The following UGT1A7 variants were observed in gnomAD, a reference collection of about 807,000 sequenced individuals.
The protein encoded by UGT1A7 is UDP-glucuronosyltransferase 1A7.
Under a neutral mutation model 45.6 loss-of-function variants are expected in UGT1A7, and 33 were observed. The ratio of observed to expected loss-of-function variants is 0.72; its 90% CI spans 0.55 to 0.97. UGT1A7 has a LOEUF of 0.97. UGT1A7 is among the 50% of genes least tolerant of loss of function. UGT1A7 has a pLI of 0.00. For missense variants in UGT1A7, 684 were observed against 666.2 expected, an observed-to-expected ratio of 1.03 and a Z score of -0.29; for synonymous variants, 274 against 250.6, an observed-to-expected ratio of 1.09 and a Z score of -0.88.
At chr2:233,688,947 C>A (rs2074920768) in intron 1 of UGT1A7, among the ~76,000 whole-genome samples, 1 of 152,108 alleles carries the variant, frequency 6.6e-6, no homozygotes, top group Non-Finnish European at 1.5e-5. Flanking sequence ...AGCATGAAGC[C>A]AAATGTTTGG....
chr2:233,763,296 GAT>G (rs1373689978), intron 1 of UGT1A7, among the ~76,000 whole-genome samples: 1 of 152,054 alleles, frequency 6.6e-6, no homozygotes, highest in African/African-American at 2.4e-5. Flanking sequence ...CCACTTTTTG[GAT>G]ATTAATATTA....
In UGT1A7 at chr2:233,761,530, G is replaced by A. The variant is rs544153828; in HGVS notation, c.856-5504G>A. Among the ~76,000 whole-genome samples, 10 of 152,346 alleles carry A rather than the reference G, an allele frequency of 6.6e-5. No homozygotes were observed. In the East Asian group the frequency reaches 9.7e-4, roughly 15 times the overall value. ...CAGGCAGGCAATGTTCAGGACTGAT[G>A]AAATCATTCTTTGATGATGATAGAT... On this transcript the variant is annotated intron_variant, in intron 1 of 4. Coordinates refer to ENST00000373426, the MANE Select transcript of UGT1A7 (RefSeq NM_019077.3).
rs764918207 is a variant in UGT1A7 at position 233,760,359 on chromosome 2, G to A, written c.856-6675G>A. 62 of 1,614,004 alleles carry A rather than the reference G, an allele frequency of 3.8e-5. No homozygotes were observed. The South Asian group carries it at 4.0e-4, about 10-fold the overall frequency. ...TGCTGTGTGTGCTGGGCCCAGTGGTGTCCCATGCTGGGAAGATACTGTTGA... is the reference window on the plus strand; with the variant it reads ...TGCTGTGTGTGCTGGGCCCAGTGGTATCCCATGCTGGGAAGATACTGTTGA... On this transcript the variant is annotated intron_variant, in intron 1 of 4. Transcript: ENST00000373426.
intron 1 of UGT1A7, chr2:233,760,741 C>G: frequency 6.2e-7 from 1 of 1,614,110 alleles, no homozygotes; most frequent in South Asian, 1.1e-5. Context: ...GCTGACGGAC[C>G]CTTTCCTTCC....
At chr2:233,702,200 C>T (rs1204351976) in intron 1 of UGT1A7, among the ~76,000 whole-genome samples, 1 of 152,172 alleles carries the variant, frequency 6.6e-6, no homozygotes. Flanking sequence ...CCCTGGCAGC[C>T]ATTAATCAAC....
chr2:233,744,098 G>A, intron 1 of UGT1A7: 1 of 409,610 alleles, frequency 2.4e-6, no homozygotes, highest in South Asian at 2.0e-5. Flanking sequence ...AGTGCTTCTG[G>A]GACTGGCCCT....
rs1384702379 is a variant in UGT1A7, at chr2:233,760,914, G to A, written c.856-6120G>A. ...CAGATCACATGACCTTCCTGCAGCG[G>A]GTGAAGAACATGCTCATTGCCTTTT... On this transcript the variant is annotated intron_variant, in intron 1 of 4. Transcript: ENST00000373426. The A allele has an allele frequency of 2.5e-6, 4 of 1,614,148 alleles. No individual in the cohort carries two copies. In the African/African-American group the frequency reaches 4.0e-5, roughly 16 times the overall value.
intron 1 of UGT1A7, among the ~76,000 whole-genome samples, chr2:233,710,240 AC>A (rs2076122000): frequency 6.6e-6 from 1 of 152,210 alleles, no homozygotes; most frequent in Middle Eastern, 3.2e-3. Flanking sequence ...CTATTCGAGT[AC>A]GAGTGTTTCT....
At chr2:233,728,329 C>A (rs541948735) in intron 1 of UGT1A7, among the ~76,000 whole-genome samples, 12 of 152,272 alleles carry the variant, frequency 7.9e-5, no homozygotes, top group African/African-American at 2.6e-4. Context: ...GGCTCCAGCT[C>A]CCCCAGTCCC....
chr2:233,713,030 C>T, intron 1 of UGT1A7: 1 of 1,613,910 alleles, frequency 6.2e-7, no homozygotes, highest in Non-Finnish European at 8.5e-7. Context: ...CGCAGCTGGC[C>T]ACAGGACTGC....
At chr2:233,708,006 A>G (rs1486589332) in intron 1 of UGT1A7, among the ~76,000 whole-genome samples, 1 of 152,158 alleles carries the variant, frequency 6.6e-6, no homozygotes, top group Non-Finnish European at 1.5e-5. Context: ...TTATGTATGC[A>G]TTCTGGATAC....
At chr2:233,758,400 T>C (rs1696865651) in intron 1 of UGT1A7, among the ~76,000 whole-genome samples, 1 of 152,196 alleles carries the variant, frequency 6.6e-6, no homozygotes, top group African/African-American at 2.4e-5. Context: ...TTATAGCCCC[T>C]TTACTGTCTA....
At chr2:233,771,789 T>TCCCA (rs1282834982) in intron 4 of UGT1A7, among the ~76,000 whole-genome samples, 7 of 144,234 alleles carry the variant, frequency 4.9e-5, no homozygotes, top group East Asian at 4.5e-4. Flanking sequence ...CCTCTCTCCC[T>TCCCA]CCCTCCCTCC....
At position 233,708,055 on chromosome 2, in the gene UGT1A7, C is replaced by G. The variant is rs77717552; in HGVS notation, c.855+25263C>G. On this transcript the variant is annotated intron_variant, in intron 1 of 4. Transcript: ENST00000373426. ...GTTATAGATATTGCAAATATCTTCC[C>G]CCACTCTGCATCTTGCTTTTTACTT... Among the ~76,000 whole-genome samples the G allele has an allele frequency of 8.8e-3, 1,337 of 152,226 alleles. 30 individuals carry two copies. Among genetic ancestry groups the G allele is most frequent in the African/African-American group, 0.03 (1,248 of 41,548 alleles).
At chr2:233,767,550 T>C (rs2110298) in intron 2 of UGT1A7, among the ~76,000 whole-genome samples, 2,565 of 152,382 alleles carry the variant, frequency 0.017, 61 homozygotes, top group Admixed American at 0.057. Flanking sequence ...CTTATAGTTC[T>C]GCATCCACTT....
At chr2:233,706,317 T>G (rs947788693) in intron 1 of UGT1A7, among the ~76,000 whole-genome samples, 6 of 152,228 alleles carry the variant, frequency 3.9e-5, no homozygotes, top group African/African-American at 7.2e-5. Context: ...TAGTGCCTTT[T>G]GGAACTATTC....
At chr2:233,715,625 A>T (rs2076461425) in intron 1 of UGT1A7, among the ~76,000 whole-genome samples, 1 of 152,080 alleles carries the variant, frequency 6.6e-6, no homozygotes, top group Admixed American at 6.6e-5. Context: ...TTAAAAAATT[A>T]TCCAGGTGTG....
At chr2:233,731,438 C>G (rs1329766124) in intron 1 of UGT1A7, among the ~76,000 whole-genome samples, 1 of 152,078 alleles carries the variant, frequency 6.6e-6, no homozygotes, top group African/African-American at 2.4e-5. Context: ...CTCCCCCAGT[C>G]CCCCACCCCA....
intron 1 of UGT1A7, chr2:233,755,285 A>T (rs1468695441): frequency 1.5e-6 from 1 of 681,694 alleles, no homozygotes; most frequent in African/African-American, 1.9e-5. Flanking sequence ...ACTGCCAAAG[A>T]GCCTGCGGGG....
Sources: gnomAD v4.1 joint callset for allele counts (sites outside exome capture counted in the v4.1 genomes callset) on GRCh38, gnomAD v4.1.1 for gene constraint, MANE v1.5 for transcripts, NCBI Gene and HGNC (gene_info 2026-07-23, HGNC 2026-07-21) for gene names.